Variants in C19orf38 observed in about 807,000 individuals in gnomAD.
The protein encoded by C19orf38 is chromosome 19 open reading frame 38.
Under a neutral mutation model 26.6 loss-of-function variants are expected in C19orf38, and 14 were observed. The ratio of observed to expected loss-of-function variants is 0.53; its 90% CI spans 0.35 to 0.82. C19orf38 has a LOEUF of 0.82. Among genes scored for constraint, C19orf38 ranks in the 40% least tolerant of loss-of-function variants. The pLI, the probability that C19orf38 is intolerant of heterozygous loss-of-function variation, is 0.01. For synonymous variants in C19orf38, 132 were observed against 128.5 expected (o/e 1.03, Z -0.18); for missense variants, 261 against 299.5 (o/e 0.87, Z 0.95).
chr19:10,860,677 TA>T (rs915557843), intron 5 of C19orf38, among the ~76,000 whole-genome samples: 2 of 142,342 alleles, frequency 1.4e-5, no homozygotes, highest in Non-Finnish European at 3.0e-5. Flanking sequence ...CCATCTCTAC[TA>T]AAAATACAAA....
chr19:10,866,894 A>T lies in C19orf38; in HGVS notation c.544-2324A>T, dbSNP rs182036757. On this transcript the variant is annotated intron_variant, in intron 6 of 6. Coordinates refer to ENST00000397820, the MANE Select transcript of C19orf38 (RefSeq NM_001136482.3). The stretch of plus-strand genomic sequence containing the variant: ...GACCTCAGGTGATCCACCCACCTCA[A>T]CCTCCCAAAGTGTTGGGATTATAAG... Among the ~76,000 whole-genome samples, 3 of 151,524 alleles carry T rather than the reference A, an allele frequency of 2.0e-5. No individual in the cohort carries two copies. In the East Asian group the frequency reaches 5.9e-4, roughly 30 times the overall value.
intron 6 of C19orf38, among the ~76,000 whole-genome samples, chr19:10,865,955 G>C (rs2073747124): frequency 1.3e-5 from 2 of 152,034 alleles, no homozygotes; most frequent in Admixed American, 1.3e-4. Context: ...TGGGACCACA[G>C]ACTTCCACCA....
At chr19:10,860,534 CA>C (rs900601654) in intron 5 of C19orf38, among the ~76,000 whole-genome samples, 689 of 21,798 alleles carry the variant, frequency 0.032, no homozygotes, top group East Asian at 0.067. Context: ...GACTCCATCT[CA>C]AAAAAAAAAA....
chr19:10,866,128 C>A (rs186845808), intron 6 of C19orf38, among the ~76,000 whole-genome samples: 46 of 151,692 alleles, frequency 3.0e-4, no homozygotes, highest in South Asian at 1.9e-3. Context: ...AACCTCCCCC[C>A]CTGGGTTCAA....
At chr19:10,864,672 A>G (rs1429589810) in intron 6 of C19orf38, among the ~76,000 whole-genome samples, 1 of 152,220 alleles carries the variant, frequency 6.6e-6, no homozygotes, top group Non-Finnish European at 1.5e-5. Context: ...GAGCTGGGCC[A>G]AGCGTGCACC....
intron 3 of C19orf38, 90 bp from the exon 4 acceptor site, chr19:10,858,226 T>TAA (rs371026775): frequency 0.075 from 23,853 of 319,992 alleles, 1,389 homozygotes; most frequent in East Asian, 0.12. Context: ...AGACTCTGTC[T>TAA]AAAAAAAAAA....
chr19:10,851,735 G>A (rs1315551391), intron 2 of C19orf38, among the ~76,000 whole-genome samples: 5 of 152,036 alleles, frequency 3.3e-5, no homozygotes, highest in South Asian at 2.1e-4. Context: ...TTGGGAGGCC[G>A]AGGCGGGTGG....
At position 10,850,381 on chromosome 19, in the gene C19orf38, T is replaced by C. The variant is rs1195799801; in HGVS notation, c.154T>C (p.Tyr52His). Reference sequence around the variant, plus strand: ...CTTCCCGGGGGCGAATTTCACACTGTATCGAGGGGGGCAGGTGGTCCAGCT... The same window carrying C: ...CTTCCCGGGGGCGAATTTCACACTGCATCGAGGGGGGCAGGTGGTCCAGCT... ...GNFPGANFTL[Y>H]RGGQVVQLLQ... The change falls in exon 2 of 7, where the codon TAT (tyrosine) becomes CAT (histidine). Residue 52 changes from tyrosine (Y) to histidine (H), a missense_variant. Transcript: ENST00000397820. 1.3e-6 allele frequency: 2 copies of C among 1,550,752 alleles called. No individual in the cohort carries two copies. Among genetic ancestry groups the C allele is most frequent in the African/African-American group, 2.7e-5 (2 of 72,964 alleles).
At chr19:10,854,907 G>A (rs537713802) in intron 2 of C19orf38, among the ~76,000 whole-genome samples, 1 of 152,130 alleles carries the variant, frequency 6.6e-6, no homozygotes, top group African/African-American at 2.4e-5. Flanking sequence ...AGATATGGCT[G>A]GATCCAGGTG....
At chr19:10,846,222 A>C (rs1331254366), upstream of C19orf38, among the ~76,000 whole-genome samples, 1 of 151,298 alleles carries the variant, frequency 6.6e-6, no homozygotes, top group Non-Finnish European at 1.5e-5. Flanking sequence ...TTTGAGACAG[A>C]GTCTCGCTCT....
upstream of C19orf38, among the ~76,000 whole-genome samples, chr19:10,845,369 A>G (rs2073508970): frequency 6.6e-6 from 1 of 152,192 alleles, no homozygotes; most frequent in South Asian, 2.1e-4. Flanking sequence ...TTATATGACC[A>G]CAAAGGAGTT....
intron 4 of C19orf38, among the ~76,000 whole-genome samples, chr19:10,859,244 A>ATGTGTGTGTGTGTGTGTGTGTGTGTG (rs35791729): frequency 8.4e-6 from 1 of 119,392 alleles, no homozygotes; most frequent in Non-Finnish European, 1.7e-5. Context: ...GCTTTTATAT[A>ATGTGTGTGTGTGTGTGTGTGTGTGTG]TGTGTGTGTG....
At chr19:10,864,102 C>T (rs773409298) in intron 6 of C19orf38, among the ~76,000 whole-genome samples, 6 of 151,996 alleles carry the variant, frequency 3.9e-5, no homozygotes, top group Admixed American at 1.3e-4. Context: ...GCTCTGTCGC[C>T]CAGGCTGGAG....
chr19:10,866,853 C>A (rs1307198193), intron 6 of C19orf38, among the ~76,000 whole-genome samples: 1 of 151,994 alleles, frequency 6.6e-6, no homozygotes, highest in Non-Finnish European at 1.5e-5. Context: ...GTTGGCCTGG[C>A]TCGTCTTGAA....
chr19:10,854,865 C>T (rs2073608013), intron 2 of C19orf38, among the ~76,000 whole-genome samples: 1 of 152,068 alleles, frequency 6.6e-6, no homozygotes, highest in Non-Finnish European at 1.5e-5. Context: ...TGTTGGTTCA[C>T]TGAGCTGAAG....
intron 1 of C19orf38, chr19:10,842,047 A>C: frequency 6.2e-7 from 1 of 1,609,804 alleles, no homozygotes; most frequent in Non-Finnish European, 8.5e-7. Context: ...TCTGTTGCTC[A>C]GATTGGAATT....
At chr19:10,858,427 CA>C (rs2073654293) in intron 4 of C19orf38, 84 bp downstream of exon 4, 2 of 1,307,254 alleles carry the variant, frequency 1.5e-6, no homozygotes, top group Non-Finnish European at 2.1e-6. Context: ...CCATGCCCCC[CA>C]CAAACAGCGC....
chr19:10,857,350 ATATATATATATATATATT>A (rs1056581595), intron 3 of C19orf38, among the ~76,000 whole-genome samples: 1 of 74,178 alleles, frequency 1.3e-5, no homozygotes, highest in African/African-American at 1.2e-4. Flanking sequence ...ATATATATAT[ATATATATATATATATATT>A]TTTTTTTTTT....
chr19:10,858,049 A>G, intron 3 of C19orf38, among the ~76,000 whole-genome samples: 1 of 151,390 alleles, frequency 6.6e-6, no homozygotes, highest in East Asian at 1.9e-4. Context: ...GGCCAACATG[A>G]CGAACCCTCT....
Sources: allele counts gnomAD v4.1 joint callset (sites outside exome capture counted in the v4.1 genomes callset), GRCh38; gene constraint gnomAD v4.1.1; transcripts MANE v1.5; gene names NCBI Gene and HGNC (gene_info 2026-07-23, HGNC 2026-07-21).